Variants in NCKAP1 observed in about 807,000 individuals in gnomAD.
NCKAP1 encodes the protein NCK associated protein 1, also known as nck-associated protein 1.
NCKAP1 carries 21 observed loss-of-function variants against 151.2 expected under a neutral mutation model. The observed-to-expected ratio is 0.14, with a 90% confidence interval of 0.10 to 0.20. NCKAP1 has a LOEUF of 0.20. Ranked by LOEUF, NCKAP1 falls within the 10% of genes least tolerant of loss-of-function variation. The pLI, the probability that NCKAP1 is intolerant of heterozygous loss-of-function variation, is 1.00. For missense variants in NCKAP1, 933 were observed against 1,352.1 expected (o/e 0.69, Z 4.86); for synonymous variants, 484 against 451.8 (o/e 1.07, Z -0.90).
In NCKAP1 at chr2:182,913,804, C is replaced by T. The variant is rs1696429162; in HGVS notation, c.*11898G>A. 1 of 152,266 alleles carries T rather than the reference C, an allele frequency of 6.6e-6. No homozygotes were observed. Among genetic ancestry groups the T allele is most frequent in the Non-Finnish European group, 1.5e-5 (1 of 68,078 alleles). 9.4% of individuals were successfully genotyped at this position (152,266 alleles called of 1,614,324 possible). Reference sequence around the variant, plus strand: ...CTCTCATGCTTCTTTGCTTCTCTGTCTGCATCTGCCTCATTCTTTTTTCCT... The same window carrying T: ...CTCTCATGCTTCTTTGCTTCTCTGTTTGCATCTGCCTCATTCTTTTTTCCT... On this transcript the variant is annotated 3_prime_UTR_variant, in exon 31 of 31. Coordinates refer to ENST00000361354, the MANE Select transcript of NCKAP1 (RefSeq NM_013436.5).
intron 15 of NCKAP1, among the ~76,000 whole-genome samples, chr2:182,976,145 A>C (rs924097300): frequency 6.6e-6 from 1 of 152,276 alleles, no homozygotes; most frequent in East Asian, 1.9e-4. Flanking sequence ...CATGCACATT[A>C]TTGAGAACAC....
chr2:182,979,153 T>C (rs1014639929), intron 13 of NCKAP1, among the ~76,000 whole-genome samples: 1 of 152,086 alleles, frequency 6.6e-6, no homozygotes, highest in Admixed American at 6.5e-5. Context: ...TCATACACTA[T>C]ATAGGAAAAT....
At chr2:183,025,460 G>C (rs985138013) in intron 1 of NCKAP1, among the ~76,000 whole-genome samples, 13 of 152,008 alleles carry the variant, frequency 8.6e-5, no homozygotes, top group African/African-American at 3.1e-4. Context: ...CCATGCCAAA[G>C]TATAAAAATC....
At chr2:182,962,370 A>G (rs937466073) in intron 17 of NCKAP1, 92 bp from the exon 18 acceptor site, 1 of 1,276,226 alleles carries the variant, frequency 7.8e-7, no homozygotes, top group African/African-American at 1.5e-5. Flanking sequence ...AATTAGGCTA[A>G]AGGTACATTC....
intron 4 of NCKAP1, 152 bp downstream of exon 4, chr2:183,002,822 C>T (rs1698399260): frequency 5.4e-6 from 3 of 556,896 alleles, no homozygotes; most frequent in East Asian, 2.9e-5. Flanking sequence ...AGAATACACA[C>T]TTTACTTTTT....
At chr2:182,988,141 C>T (rs1449250506) in intron 9 of NCKAP1, among the ~76,000 whole-genome samples, 1 of 152,034 alleles carries the variant, frequency 6.6e-6, no homozygotes, top group Non-Finnish European at 1.5e-5. Flanking sequence ...AGAGGTGATG[C>T]TCAGGAACCT....
At chr2:182,999,584 G>A (rs1268688193) in intron 6 of NCKAP1, among the ~76,000 whole-genome samples, 2 of 152,164 alleles carry the variant, frequency 1.3e-5, no homozygotes, top group African/African-American at 4.8e-5. Flanking sequence ...CCTGTGGAAA[G>A]CAGTTTGATG....
intron 24 of NCKAP1, among the ~76,000 whole-genome samples, chr2:182,936,545 G>T (rs915067684): frequency 5.3e-5 from 8 of 152,140 alleles, no homozygotes; most frequent in Non-Finnish European, 1.0e-4. Context: ...GGAAAGAGAT[G>T]TATATACTAC....
intron 2 of NCKAP1, among the ~76,000 whole-genome samples, chr2:183,020,368 G>A (rs552655359): frequency 6.6e-6 from 1 of 151,224 alleles, no homozygotes; most frequent in Admixed American, 6.6e-5. Context: ...GGGAGGCTGA[G>A]GCAGAAGGAT....
At position 183,020,033 on chromosome 2, in the gene NCKAP1, A is replaced by C. The variant is rs116731918; in HGVS notation, c.219+3773T>G. Among the ~76,000 whole-genome samples, 1,333 of 152,272 alleles carry C rather than the reference A, an allele frequency of 8.8e-3. 8 individuals carry two copies. Among genetic ancestry groups the C allele is most frequent in the Non-Finnish European group, 0.015 (1,026 of 68,026 alleles). On this transcript the variant is annotated intron_variant, in intron 2 of 30. Coordinates refer to ENST00000361354, the MANE Select transcript of NCKAP1 (RefSeq NM_013436.5). ...GCTCAAGGATTCTAAAGGGATTAAA[A>C]AGTATGGAGGTGAGGGCAGTTATTA...
rs202005058 is a variant in NCKAP1 at position 183,003,216 on chromosome 2, T to C, written c.312+17A>G. On this transcript the variant is annotated intron_variant, in intron 3 of 30. Transcript: ENST00000361354. ...TCTACTTCTGAAGTGTTAAATATTATATATTAAAATACATACCTTAAATTC... is the reference window on the plus strand; with the variant it reads ...TCTACTTCTGAAGTGTTAAATATTACATATTAAAATACATACCTTAAATTC... 4 of 1,377,614 alleles carry C rather than the reference T, an allele frequency of 2.9e-6. No homozygotes were observed. The highest frequency in any genetic ancestry group is 2.4e-5 in the East Asian group (1 of 41,748). The allele number at this position is 1,377,614 out of a possible 1,614,324, so 85.3% of individuals were successfully genotyped here.
intron 15 of NCKAP1, among the ~76,000 whole-genome samples, chr2:182,969,580 A>G (rs569604570): frequency 3.1e-4 from 47 of 152,100 alleles, no homozygotes; most frequent in Non-Finnish European, 4.1e-4. Flanking sequence ...TTAAGGAAAT[A>G]AAACATTTAT....
At chr2:182,953,398 C>A in intron 20 of NCKAP1, 67 bp from the exon 21 acceptor site, 1 of 1,035,888 alleles carries the variant, frequency 9.7e-7, no homozygotes. Context: ...ATAAACCACT[C>A]AACCTACTGT....
At chr2:183,037,532 C>T (rs1379656541) in intron 1 of NCKAP1, among the ~76,000 whole-genome samples, 2 of 152,178 alleles carry the variant, frequency 1.3e-5, no homozygotes, top group African/African-American at 4.8e-5. Context: ...CCCACATTCC[C>T]ACACCAAAAA....
At chr2:183,023,446 C>A (rs1322909533) in intron 2 of NCKAP1, among the ~76,000 whole-genome samples, 1 of 152,086 alleles carries the variant, frequency 6.6e-6, no homozygotes, top group Non-Finnish European at 1.5e-5. Context: ...AAGCTCTATG[C>A]AGACATTTAC....
chr2:182,910,958 C>T lies in NCKAP1; in HGVS notation c.*14744G>A, dbSNP rs890293680. ...AAAATAAAATCCTAAGCTCCCCCCC[C>T]ACATTTGACTAAACAGACCCTCTCC... On this transcript the variant is annotated 3_prime_UTR_variant, in exon 31 of 31. Transcript: ENST00000361354. 3 of 147,886 alleles carry T rather than the reference C, an allele frequency of 2.0e-5. No individual in the cohort carries two copies. The highest frequency in any genetic ancestry group is 7.4e-5 in the African/African-American group (3 of 40,374). The allele number at this position is 147,886 out of a possible 1,614,324, so 9.2% of individuals were successfully genotyped here.
chr2:182,952,627 T>C (rs956516175), intron 22 of NCKAP1, 125 bp from the exon 23 acceptor site: 3 of 1,083,156 alleles, frequency 2.8e-6, no homozygotes, highest in South Asian at 1.8e-5. Context: ...GTCTCTAGAG[T>C]GAAAGAGAGA....
intron 1 of NCKAP1, among the ~76,000 whole-genome samples, chr2:183,036,064 A>T (rs1699096317): frequency 6.6e-6 from 1 of 152,200 alleles, no homozygotes; most frequent in Admixed American, 6.5e-5. Flanking sequence ...GATCACATTC[A>T]ATGCATTTTA....
chr2:182,931,474 G>C (rs1012161240), intron 26 of NCKAP1, among the ~76,000 whole-genome samples: 1 of 152,016 alleles, frequency 6.6e-6, no homozygotes, highest in Non-Finnish European at 1.5e-5. Flanking sequence ...TTAAGTTCTA[G>C]ATTAAAATGT....
Sources: allele counts gnomAD v4.1 joint callset (sites outside exome capture counted in the v4.1 genomes callset), GRCh38; gene constraint gnomAD v4.1.1; transcripts MANE v1.5; gene names NCBI Gene and HGNC (gene_info 2026-07-23, HGNC 2026-07-21).